The following HIBADH variants were observed in gnomAD, a reference collection of about 807,000 sequenced individuals.
The protein encoded by HIBADH is 3-hydroxyisobutyrate dehydrogenase.
In HIBADH, 25 loss-of-function variants were observed where a neutral mutation model predicts 36.1. The observed-to-expected ratio is 0.69, with a 90% CI of 0.50 to 0.97. HIBADH has a LOEUF of 0.97. HIBADH is among the 50% of genes least tolerant of loss of function. HIBADH has a pLI of 0.00. For missense variants in HIBADH, 421 were observed against 418.0 expected, an observed-to-expected ratio of 1.01 and a Z score of -0.06; for synonymous variants, 160 against 149.5, an observed-to-expected ratio of 1.07 and a Z score of -0.51.
chr7:27,621,869 G>T (rs1785551059), intron 4 of HIBADH, among the ~76,000 whole-genome samples: 1 of 152,048 alleles, frequency 6.6e-6, no homozygotes, highest in Admixed American at 6.6e-5. Context: ...ATACAAAGAA[G>T]AATTCTACAA....
At chr7:27,573,759 AT>A (rs1784663012) in intron 4 of HIBADH, among the ~76,000 whole-genome samples, 2 of 152,230 alleles carry the variant, frequency 1.3e-5, no homozygotes, top group African/African-American at 4.8e-5. Flanking sequence ...GCTAGTTCAC[AT>A]TCAGATGTGC....
chr7:27,530,298 C>T (rs13241127), intron 7 of HIBADH, among the ~76,000 whole-genome samples: 1 of 151,928 alleles, frequency 6.6e-6, no homozygotes, highest in African/African-American at 2.4e-5. Context: ...CTCCACCTCC[C>T]GGGTTCAAGC....
At chr7:27,642,712 C>T (rs1332607077) in intron 2 of HIBADH, among the ~76,000 whole-genome samples, 6 of 134,710 alleles carry the variant, frequency 4.5e-5, no homozygotes, top group Non-Finnish European at 7.6e-5. Flanking sequence ...AGTGCAGTGG[C>T]GGGATCTCGG....
chr7:27,659,451 A>T (rs1786372578), intron 1 of HIBADH, among the ~76,000 whole-genome samples: 1 of 152,222 alleles, frequency 6.6e-6, no homozygotes, highest in South Asian at 2.1e-4. Flanking sequence ...ACAGTGGCTC[A>T]TGACTGTAAT....
intron 4 of HIBADH, among the ~76,000 whole-genome samples, chr7:27,626,293 G>T (rs1178186274): frequency 6.6e-6 from 1 of 151,846 alleles, no homozygotes; most frequent in Non-Finnish European, 1.5e-5. Flanking sequence ...CATCAAATAG[G>T]CTGAGGCATG....
At chr7:27,630,811 C>G (rs993175909) in intron 3 of HIBADH, among the ~76,000 whole-genome samples, 1 of 152,020 alleles carries the variant, frequency 6.6e-6, no homozygotes, top group Non-Finnish European at 1.5e-5. Flanking sequence ...TGTTACAATT[C>G]AAATGCAATT....
At chr7:27,560,222 A>G (rs1440709639) in intron 4 of HIBADH, among the ~76,000 whole-genome samples, 1 of 152,196 alleles carries the variant, frequency 6.6e-6, no homozygotes, top group Non-Finnish European at 1.5e-5. Context: ...CCTAGGTTCA[A>G]GCGATTCTCC....
At chr7:27,559,584 A>G (rs972637099) in intron 4 of HIBADH, among the ~76,000 whole-genome samples, 2 of 152,130 alleles carry the variant, frequency 1.3e-5, no homozygotes, top group African/African-American at 4.8e-5. Flanking sequence ...GTGAGGTATG[A>G]TCACTCCACT....
intron 7 of HIBADH, among the ~76,000 whole-genome samples, chr7:27,530,957 T>TACACACACAC (rs530391725): frequency 1.3e-5 from 2 of 151,222 alleles, no homozygotes; most frequent in African/African-American, 4.9e-5. Flanking sequence ...CGCACACACA[T>TACACACACAC]ACACACACAC....
chr7:27,542,886 T>C, intron 5 of HIBADH, 81 bp downstream of exon 5: 2 of 1,399,898 alleles, frequency 1.4e-6, no homozygotes, highest in Non-Finnish European at 2.0e-6. Context: ...GAAAGAAGAA[T>C]AAAAATATGG....
At chr7:27,626,888 T>C (rs1467301462) in intron 4 of HIBADH, among the ~76,000 whole-genome samples, 7 of 152,178 alleles carry the variant, frequency 4.6e-5, no homozygotes, top group Non-Finnish European at 1.0e-4. Flanking sequence ...TCAAGTTTTG[T>C]TCAAATGATC....
intron 2 of HIBADH, among the ~76,000 whole-genome samples, chr7:27,635,285 G>T (rs1049831908): frequency 6.6e-6 from 1 of 152,132 alleles, no homozygotes; most frequent in Admixed American, 6.5e-5. Context: ...AACCAACCTT[G>T]TTGCCAGTCT....
chr7:27,540,143 T>C (rs905601808), intron 5 of HIBADH, among the ~76,000 whole-genome samples: 3 of 152,166 alleles, frequency 2.0e-5, no homozygotes, highest in African/African-American at 4.8e-5. Context: ...CGTTTTTGTA[T>C]GGTACCAATC....
chr7:27,643,666 C>G (rs996863346), intron 2 of HIBADH, among the ~76,000 whole-genome samples: 1 of 152,152 alleles, frequency 6.6e-6, no homozygotes, highest in East Asian at 1.9e-4. Flanking sequence ...AACAAGTTAC[C>G]ACAAGCACCG....
chr7:27,619,266 G>A (rs550240949), intron 4 of HIBADH, among the ~76,000 whole-genome samples: 1 of 152,228 alleles, frequency 6.6e-6, no homozygotes, highest in South Asian at 2.1e-4. Context: ...CAAAGCCAAA[G>A]AGCCCTGCTC....
chr7:27,574,203 G>C (rs1784669917), intron 4 of HIBADH, among the ~76,000 whole-genome samples: 1 of 9,826 alleles, frequency 1.0e-4, no homozygotes, highest in Non-Finnish European at 1.6e-4. Context: ...AATCTCTTTA[G>C]AAATTAGATA....
intron 2 of HIBADH, among the ~76,000 whole-genome samples, chr7:27,638,033 C>A (rs1347490019): frequency 6.6e-6 from 1 of 152,036 alleles, no homozygotes; most frequent in Non-Finnish European, 1.5e-5. Flanking sequence ...CTATTCCTAT[C>A]AAACTACCAA....
intron 1 of HIBADH, among the ~76,000 whole-genome samples, chr7:27,652,982 A>G (rs984000264): frequency 2.6e-5 from 4 of 152,074 alleles, no homozygotes; most frequent in African/African-American, 4.8e-5. Flanking sequence ...TACAAAAATT[A>G]TCCAGGCATG....
intron 5 of HIBADH, among the ~76,000 whole-genome samples, chr7:27,540,299 ATCT>A (rs1454248095): frequency 6.6e-6 from 1 of 152,152 alleles, no homozygotes; most frequent in Non-Finnish European, 1.5e-5. Flanking sequence ...CTTTTGGTAC[ATCT>A]TCTTCCTCAT....
Sources: allele counts gnomAD v4.1 joint callset (sites outside exome capture counted in the v4.1 genomes callset), GRCh38; gene constraint gnomAD v4.1.1; transcripts MANE v1.5; gene names NCBI Gene and HGNC (gene_info 2026-07-23, HGNC 2026-07-21).